Variants in JPT2 observed in about 807,000 individuals in gnomAD.
The protein encoded by JPT2 is CRAMP_1 like.
JPT2 carries 9 observed loss-of-function variants against 15.9 expected under a neutral mutation model. The observed-to-expected ratio is 0.57, with a 90% CI of 0.34 to 0.99. The LOEUF is 0.99. JPT2 is among the 50% of genes least tolerant of loss of function. JPT2 has a pLI of 0.02. For synonymous variants in JPT2, 95 were observed against 91.7 expected (o/e 1.04, Z -0.21); for missense variants, 267 against 252.1 (o/e 1.06, Z -0.40).
intron 2 of JPT2, 143 bp from the exon 3 acceptor site, chr16:1,691,700 G>A (rs970877167): frequency 2.1e-6 from 2 of 954,234 alleles, no homozygotes; most frequent in African/African-American, 3.3e-5. Context: ...GTTTCAGTCT[G>A]AGCATCCTGC....
chr16:1,687,982 T>C (rs2142224459), intron 2 of JPT2, among the ~76,000 whole-genome samples: 1 of 152,348 alleles, frequency 6.6e-6, no homozygotes, highest in East Asian at 1.9e-4. Flanking sequence ...TGTTTATCAA[T>C]TCCCATTCAG....
intron 1 of JPT2, chr16:1,680,538 G>A: frequency 8.4e-7 from 1 of 1,194,366 alleles, no homozygotes. Context: ...ACCAGACGCT[G>A]CACATTTGCC....
At chr16:1,680,987 C>T (rs938082282) in intron 1 of JPT2, among the ~76,000 whole-genome samples, 4 of 152,110 alleles carry the variant, frequency 2.6e-5, no homozygotes, top group African/African-American at 4.8e-5. Flanking sequence ...TTCTCCTGTG[C>T]GCTTGAGTTT....
At position 1,698,686 on chromosome 16, in the gene JPT2, CTTTCCCAGTTACAGCATGAA is replaced by C. The variant is rs1276785862; in HGVS notation, c.386-120_386-101del. The C allele has an allele frequency of 3.2e-6, 3 of 934,874 alleles. No individual in the cohort carries two copies. The African/African-American group carries it at 5.0e-5, about 16-fold the overall frequency. 57.9% of individuals were successfully genotyped at this position (934,874 alleles called of 1,614,324 possible). ...GAAAAGCCTGTCTATATTGTCTTCTCTTTCCCAGTTACAGCATGAATTTCTTGCAGGTTGCTCTATGACAC... is the reference window on the plus strand; with the variant it reads ...GAAAAGCCTGTCTATATTGTCTTCTCTTTCTTGCAGGTTGCTCTATGACAC... On this transcript the variant is annotated intron_variant, in intron 4 of 4. Transcript: ENST00000248098. This position sits in a 1 kb window ranked among gnomAD's most constrained non-coding sequence, Gnocchi z 4.9.
At chr16:1,694,851 AAAGTT>A (rs2037129843) in intron 3 of JPT2, among the ~76,000 whole-genome samples, 1 of 152,268 alleles carries the variant, frequency 6.6e-6, no homozygotes, top group Admixed American at 6.5e-5. Context: ...TCGAAGACCT[AAAGTT>A]AAGGGCAAAA....
At chr16:1,684,221 C>T (rs764766886) in intron 1 of JPT2, among the ~76,000 whole-genome samples, 17 of 152,318 alleles carry the variant, frequency 1.1e-4, no homozygotes, top group Admixed American at 5.9e-4. Flanking sequence ...CGTTTCTAAA[C>T]GTCTGGGATC....
chr16:1,681,159 C>T lies in JPT2; in HGVS notation c.44+2803C>T, dbSNP rs531101620. Among the ~76,000 whole-genome samples the T allele has an allele frequency of 3.3e-5, 5 of 152,318 alleles. No homozygotes were observed. The South Asian group carries it at 1.0e-3, about 32-fold the overall frequency. On this transcript the variant is annotated intron_variant, in intron 1 of 4. Coordinates refer to ENST00000248098, the MANE Select transcript of JPT2 (RefSeq NM_144570.3). The stretch of plus-strand genomic sequence containing the variant: ...CTATTAGTGTCATAGTGGTAAGTGC[C>T]TGTAGCCTAGAGAAAGCCACACTGC...
At chr16:1,685,337 AAAAC>A (rs1391766426) in intron 1 of JPT2, 98 bp from the exon 2 acceptor site, 23 of 1,329,708 alleles carry the variant, frequency 1.7e-5, no homozygotes, top group South Asian at 4.1e-5. Context: ...CAAAAAGAAA[AAAAC>A]AAAATACTTT....
rs754199728 is a variant in JPT2 at position 1,691,929 on chromosome 16, A to G, written c.280A>G (p.Ile94Val). 1.9e-6 allele frequency: 3 copies of G among 1,614,008 alleles called. No homozygotes were observed. In the Admixed American group the frequency reaches 5.0e-5, roughly 27 times the overall value. Residue 94 changes from isoleucine to valine, a missense_variant, in exon 3 of 5, where the codon ATT becomes GTT. Coordinates refer to ENST00000248098, the MANE Select transcript of JPT2 (RefSeq NM_144570.3). ...CCCACCTGGAGGGAAGACCAGCGAC[A>G]TTTTTGGGTCTCCGGTCACTGCCAC... ...LNPPGGKTSD[I>V]FGSPVTATSR... is the part of the protein sequence containing the mutation.
At chr16:1,692,401 A>G (rs111575841) in intron 3 of JPT2, 1 of 198,284 alleles carries the variant, frequency 5.0e-6, no homozygotes, top group Non-Finnish European at 1.1e-5. Flanking sequence ...CGCACAGTCA[A>G]GGTCCTCGGC....
In JPT2 at chr16:1,698,082, G is replaced by A. The variant is rs1427237691; in HGVS notation, c.385+222G>A. Among the ~76,000 whole-genome samples, 1 of 152,224 alleles carries A rather than the reference G, an allele frequency of 6.6e-6. No individual in the cohort carries two copies. Among genetic ancestry groups the A allele is most frequent in the Non-Finnish European group, 1.5e-5 (1 of 68,036 alleles). ...TCTTGCTCATCAGCCTAGGCCCAGG[G>A]CCATGGGGTCGTCTCCTAGAAGCTC... is the stretch of plus-strand genomic sequence containing the variant. On this transcript the variant is annotated intron_variant, in intron 4 of 4. Transcript: ENST00000248098. This position sits in a 1 kb window ranked among gnomAD's most constrained non-coding sequence, Gnocchi z 4.9.
At chr16:1,693,958 T>G (rs780286625) in intron 3 of JPT2, among the ~76,000 whole-genome samples, 1 of 152,084 alleles carries the variant, frequency 6.6e-6, no homozygotes, top group Non-Finnish European at 1.5e-5. Context: ...CTATTGATAC[T>G]AAAAGTAATG....
At position 1,699,337 on chromosome 16, in the gene JPT2, G is replaced by A. The variant is rs1258998787; in HGVS notation, c.*339G>A. The A allele has an allele frequency of 2.0e-6, 1 of 509,444 alleles. No homozygotes were observed. Among genetic ancestry groups the A allele is most frequent in the South Asian group, 1.5e-5 (1 of 64,756 alleles). The allele number at this position is 509,444 out of a possible 1,614,324, so 31.6% of individuals were successfully genotyped here. On this transcript the variant is annotated 3_prime_UTR_variant, in exon 5 of 5. Transcript: ENST00000248098. ...GCCAGCTGATTGGATGTCTAGGAAT[G>A]ACTGAAAGAAACCAAAACAGCCTGT...
At chr16:1,694,107 T>C (rs1175747999) in intron 3 of JPT2, among the ~76,000 whole-genome samples, 1 of 152,212 alleles carries the variant, frequency 6.6e-6, no homozygotes, top group African/African-American at 2.4e-5. Flanking sequence ...AAGTTCCCTT[T>C]TATAAAAGTT....
Position 1,698,862 on chromosome 16 carries a change from G to A in JPT2, c.437G>A (p.Arg146Lys), listed in dbSNP as rs2037161138. 3 of 1,614,190 alleles carry A rather than the reference G, an allele frequency of 1.9e-6. No homozygotes were observed. The highest frequency in any genetic ancestry group is 2.5e-6 in the Non-Finnish European group (3 of 1,180,034). ...GAEPGEKGSARKAGPAKEQEP... is the reference protein window; with the variant it reads ...GAEPGEKGSAKKAGPAKEQEP... ...GAGCCAGGTGAGAAAGGCAGCGCCA[G>A]AAAAGCAGGCCCCGCCAAGGAGCAG... Residue 146 changes from arginine (R) to lysine (K), a missense_variant, in exon 5 of 5, where the codon AGA (arginine) becomes AAA (lysine). Transcript: ENST00000248098. This position sits in a 1 kb window ranked among gnomAD's most constrained non-coding sequence, Gnocchi z 4.9.
Position 1,683,767 on chromosome 16 carries a change from GT to G in JPT2, c.45-1670del, listed in dbSNP as rs2037043582. On this transcript the variant is annotated intron_variant, in intron 1 of 4. Coordinates refer to ENST00000248098, the MANE Select transcript of JPT2 (RefSeq NM_144570.3). ...TTTCTAGATCTTTTGAGGAGAAACT[GT>G]TATTTTTGTTAACCAAACCTTGAGT... is the stretch of plus-strand genomic sequence containing the variant. 8.8e-6 allele frequency: 5 copies of G among 568,752 alleles called. No individual in the cohort carries two copies. The Admixed American group carries it at 1.7e-4, about 19-fold the overall frequency. The allele number at this position is 568,752 out of a possible 1,614,324, so 35.2% of individuals were successfully genotyped here.
At chr16:1,688,951 C>T (rs781590405) in intron 2 of JPT2, 5 of 152,112 alleles carry the variant, frequency 3.3e-5, no homozygotes, top group Non-Finnish European at 5.9e-5. Flanking sequence ...TGCACGTATA[C>T]GTGGTAAAAA....
Position 1,697,863 on chromosome 16 carries a change from G to A in JPT2, c.385+3G>A, listed in dbSNP as rs2037153783. The A allele has an allele frequency of 6.2e-7, 1 of 1,613,480 alleles. No homozygotes were observed. The highest frequency in any genetic ancestry group is 1.3e-5 in the African/African-American group (1 of 74,894). On this transcript the variant is annotated splice_donor_region_variant and intron_variant, in intron 4 of 4. Coordinates refer to ENST00000248098, the MANE Select transcript of JPT2 (RefSeq NM_144570.3). The stretch of plus-strand genomic sequence containing the variant: ...AGAACCAAAATCGGATCTTAAAGGT[G>A]AGCTTTTGTTTTCTTTCCCTTCTCC...
At chr16:1,686,749 T>TAACC (rs971354625) in intron 2 of JPT2, 1 of 151,840 alleles carries the variant, frequency 6.6e-6, no homozygotes, top group African/African-American at 2.4e-5. Context: ...TCCAGTTGAA[T>TAACC]AACCACCCAG....
Sources: gnomAD v4.1 joint callset for allele counts (sites outside exome capture counted in the v4.1 genomes callset) on GRCh38, gnomAD v4.1.1 for gene constraint, Gnocchi (gnomAD v3.1) non-coding constraint, MANE v1.5 for transcripts, NCBI Gene and HGNC (gene_info 2026-07-23, HGNC 2026-07-21) for gene names.